HORMAD2: variants seen among roughly 807,000 people sequenced by gnomAD.
HORMAD2 encodes HORMA domain containing 2, also known as HORMA domain-containing protein 2.
HORMAD2 carries 45 observed loss-of-function variants against 38.8 expected under a neutral mutation model. The ratio of observed to expected loss-of-function variants is 1.16; its 90% CI spans 0.91 to 1.49. The LOEUF is 1.49. HORMAD2 is among the 40% of genes most tolerant of loss of function. The probability of loss-of-function intolerance (pLI) is 0.00; values close to 1 mark genes in which losing one functional copy is unlikely to be tolerated. For synonymous variants in HORMAD2, 126 were observed against 122.8 expected, an observed-to-expected ratio of 1.03 and a Z score of -0.17; for missense variants, 338 against 367.0, an observed-to-expected ratio of 0.92 and a Z score of 0.65.
intron 10 of HORMAD2, among the ~76,000 whole-genome samples, chr22:30,168,239 C>G (rs1476091695): frequency 6.6e-6 from 1 of 152,184 alleles, no homozygotes; most frequent in Non-Finnish European, 1.5e-5. Flanking sequence ...GACCTAAACT[C>G]TACTTCATAG....
intron 5 of HORMAD2, among the ~76,000 whole-genome samples, chr22:30,109,425 C>T (rs749721283): frequency 4.5e-4 from 68 of 152,166 alleles, no homozygotes; most frequent in Non-Finnish European, 7.8e-4. Context: ...TCAAACAATC[C>T]TCCTGCCTCA....
chr22:30,155,039 C>T (rs1460822263), intron 10 of HORMAD2, among the ~76,000 whole-genome samples: 1 of 150,630 alleles, frequency 6.6e-6, no homozygotes, highest in African/African-American at 2.4e-5. Flanking sequence ...CACCACTACA[C>T]TCCAGCCTGG....
At chr22:30,119,984 A>C (rs1431304209) in intron 8 of HORMAD2, among the ~76,000 whole-genome samples, 1 of 152,206 alleles carries the variant, frequency 6.6e-6, no homozygotes, top group Non-Finnish European at 1.5e-5. Flanking sequence ...CATTTGTATA[A>C]TACTTTACAG....
intron 2 of HORMAD2, 46 bp from the exon 3 acceptor site, chr22:30,098,806 T>C: frequency 6.5e-7 from 1 of 1,541,326 alleles, no homozygotes; most frequent in Non-Finnish European, 8.8e-7. Flanking sequence ...CTAAACTGAA[T>C]ATATTAAATA....
chr22:30,163,979 A>G (rs1231789743), intron 10 of HORMAD2, among the ~76,000 whole-genome samples: 1 of 152,048 alleles, frequency 6.6e-6, no homozygotes, highest in African/African-American at 2.4e-5. Context: ...GTCCCTGGCA[A>G]TCATCATTCT....
At chr22:30,195,352 A>T in the HORMAD2 span, among the ~76,000 whole-genome samples, 8 of 152,248 alleles carry the variant, frequency 5.3e-5, no homozygotes, top group Non-Finnish European at 4.4e-5. Context: ...AAAGTACTTG[A>T]CATCCCAGTC....
chr22:30,168,666 A>G (rs1361510784), intron 10 of HORMAD2, among the ~76,000 whole-genome samples: 1 of 152,008 alleles, frequency 6.6e-6, no homozygotes, highest in Non-Finnish European at 1.5e-5. Flanking sequence ...GCTTATTCCA[A>G]TTAATGATCA....
intron 10 of HORMAD2, among the ~76,000 whole-genome samples, chr22:30,167,236 C>T (rs1410094776): frequency 1.3e-5 from 2 of 152,204 alleles, no homozygotes; most frequent in African/African-American, 4.8e-5. Flanking sequence ...AAGGATACAT[C>T]TGATTACATT....
chr22:30,152,484 G>A (rs570324333), intron 10 of HORMAD2, among the ~76,000 whole-genome samples: 26 of 151,264 alleles, frequency 1.7e-4, no homozygotes, highest in Admixed American at 7.9e-4. Flanking sequence ...GTACCACCAC[G>A]CATGACTAAT....
intron 5 of HORMAD2, among the ~76,000 whole-genome samples, chr22:30,107,278 C>CTAAA (rs1225575889): frequency 6.6e-6 from 1 of 152,114 alleles, no homozygotes; most frequent in Non-Finnish European, 1.5e-5. Flanking sequence ...ATTTATTTTA[C>CTAAA]TAAATGTCTA....
intron 8 of HORMAD2, among the ~76,000 whole-genome samples, chr22:30,121,105 C>A (rs534044227): frequency 3.4e-4 from 51 of 152,172 alleles, no homozygotes; most frequent in African/African-American, 1.0e-3. Flanking sequence ...AGAAGGAAAG[C>A]AGGAAAAATA....
At chr22:30,095,968 C>T (rs2068774837) in intron 2 of HORMAD2, among the ~76,000 whole-genome samples, 2 of 152,138 alleles carry the variant, frequency 1.3e-5, no homozygotes, top group Admixed American at 6.5e-5. Flanking sequence ...CAAGAGAAAC[C>T]ACCATCTTGA....
At chr22:30,099,016 CTT>C (rs1184582223) in intron 3 of HORMAD2, 23 bp downstream of exon 3, 2 of 1,597,430 alleles carry the variant, frequency 1.3e-6, no homozygotes, top group African/African-American at 1.3e-5. Context: ...TAACTAGTCT[CTT>C]TGGCTGTTGT....
intron 10 of HORMAD2, among the ~76,000 whole-genome samples, chr22:30,131,143 A>G (rs1230021885): frequency 6.6e-6 from 1 of 152,192 alleles, no homozygotes; most frequent in Non-Finnish European, 1.5e-5. Flanking sequence ...GTAGAATCTT[A>G]CTTAAATTTA....
At chr22:30,179,892 T>C (rs1488109854), downstream of HORMAD2, among the ~76,000 whole-genome samples, 1 of 152,078 alleles carries the variant, frequency 6.6e-6, no homozygotes, top group Non-Finnish European at 1.5e-5. Flanking sequence ...CATTAAACTT[T>C]TATTTTATTT....
chr22:30,137,940 A>G (rs5763801), intron 10 of HORMAD2, among the ~76,000 whole-genome samples: 20,821 of 152,150 alleles, frequency 0.14, 2,910 homozygotes, highest in African/African-American at 0.34. Context: ...ACCTAGGAAT[A>G]GAATTGCTGG....
the HORMAD2 span, among the ~76,000 whole-genome samples, chr22:30,201,246 C>T: frequency 6.6e-6 from 1 of 152,200 alleles, no homozygotes; most frequent in East Asian, 1.9e-4. Context: ...ACAAAGGTTT[C>T]TTCTCCATGT....
chr22:30,158,786 G>C (rs1392223383), intron 10 of HORMAD2, among the ~76,000 whole-genome samples: 2 of 151,242 alleles, frequency 1.3e-5, no homozygotes, highest in East Asian at 3.9e-4. Context: ...CTGGGCTCCC[G>C]CGATCCTCCC....
intron 10 of HORMAD2, among the ~76,000 whole-genome samples, chr22:30,127,622 C>T (rs942658068): frequency 3.3e-5 from 5 of 152,194 alleles, no homozygotes; most frequent in African/African-American, 9.6e-5. Context: ...GGATTATAGG[C>T]GTGAGCCATC....
Sources: allele counts gnomAD v4.1 joint callset (sites outside exome capture counted in the v4.1 genomes callset), GRCh38; gene constraint gnomAD v4.1.1; transcripts MANE v1.5; gene names NCBI Gene and HGNC (gene_info 2026-07-23, HGNC 2026-07-21).